The following AKAP14 variants were observed in gnomAD, a reference collection of about 807,000 sequenced individuals.
AKAP14 encodes A-kinase anchoring protein 14, also known as A-kinase anchor protein 14.
A neutral mutation model predicts 17.0 loss-of-function variants in AKAP14; 4 were observed. The ratio of observed to expected loss-of-function variants is 0.23; its 90% CI spans 0.12 to 0.54. AKAP14 has a LOEUF of 0.54. Among genes scored for constraint, AKAP14 ranks in the 20% least tolerant of loss-of-function variants. The pLI is 0.95. For synonymous variants in AKAP14, 42 were observed against 51.3 expected (o/e 0.82, Z 0.77); for missense variants, 129 against 150.9 (o/e 0.85, Z 0.76).
At chrX:119,918,248 T>A (rs1277171676) in intron 5 of AKAP14, among the ~76,000 whole-genome samples, 1 of 111,831 alleles carries the variant, frequency 8.9e-6, no homozygotes, top group Non-Finnish European at 1.9e-5. Flanking sequence ...TTGTTTTTTT[T>A]TTAGATGGAG....
At position 119,906,840 on chromosome X, in the gene AKAP14, G is replaced by A. The variant is rs192923244; in HGVS notation, c.261+3254G>A. ...ATTACAGGTGTGAGCCACTGCACCCGGCCAAAGTGTGAGGCATTTCTGATG... is the reference window on the plus strand; with the variant it reads ...ATTACAGGTGTGAGCCACTGCACCCAGCCAAAGTGTGAGGCATTTCTGATG... On this transcript the variant is annotated intron_variant, in intron 4 of 6. Coordinates refer to ENST00000371431, the MANE Select transcript of AKAP14 (RefSeq NM_178813.6). Among the ~76,000 whole-genome samples the A allele has an allele frequency of 1.7e-3, 191 of 112,059 alleles. 1 individual carries two copies. The highest frequency in any genetic ancestry group is 5.9e-3 in the African/African-American group (181 of 30,936).
chrX:119,911,805 C>T (rs1273054902), intron 4 of AKAP14, among the ~76,000 whole-genome samples: 5 of 110,408 alleles, frequency 4.5e-5, no homozygotes, highest in Non-Finnish European at 9.5e-5. Flanking sequence ...CTCAAACGAT[C>T]CTCCTGCCTC....
chrX:119,898,338 A>T (rs1027751930), intron 2 of AKAP14, among the ~76,000 whole-genome samples: 3 of 111,872 alleles, frequency 2.7e-5, no homozygotes, highest in Non-Finnish European at 5.6e-5. Flanking sequence ...GAGGAAAAAA[A>T]GGAAAACAAA....
intron 3 of AKAP14, 40 bp downstream of exon 3, chrX:119,903,432 A>G (rs754263041): frequency 2.5e-6 from 3 of 1,209,549 alleles, no homozygotes; most frequent in Middle Eastern, 2.3e-4. Context: ...ATAATTGTCT[A>G]TATAGTCTAA....
intron 4 of AKAP14, among the ~76,000 whole-genome samples, chrX:119,905,539 A>G (rs745322292): frequency 1.3e-4 from 15 of 111,698 alleles, no homozygotes; most frequent in Middle Eastern, 4.6e-3. Context: ...AATGGTCTAC[A>G]AGGCCCAATA....
At chrX:119,913,142 A>ATAAAT (rs1410968129) in intron 4 of AKAP14, among the ~76,000 whole-genome samples, 1 of 107,147 alleles carries the variant, frequency 9.3e-6, no homozygotes, top group East Asian at 2.9e-4. Context: ...AAATAAATAA[A>ATAAAT]TAAATAAATA....
chrX:119,916,793 G>A (rs1199133252), intron 5 of AKAP14, among the ~76,000 whole-genome samples: 5 of 97,759 alleles, frequency 5.1e-5, no homozygotes, highest in Non-Finnish European at 1.0e-4. Flanking sequence ...GAGCCACCGC[G>A]CCTGGCCCAT....
intron 5 of AKAP14, among the ~76,000 whole-genome samples, chrX:119,916,110 G>A (rs1258903439): frequency 1.9e-4 from 21 of 109,752 alleles, no homozygotes; most frequent in African/African-American, 6.0e-4. Flanking sequence ...GAACCACCAC[G>A]CCCAGCTGTA....
chrX:119,908,280 C>G (rs1166030700), intron 4 of AKAP14, among the ~76,000 whole-genome samples: 1 of 53,808 alleles, frequency 1.9e-5, no homozygotes, highest in Non-Finnish European at 3.1e-5. Flanking sequence ...GAGTGAGACT[C>G]TGTCAAAAAA....
chrX:119,914,973 A>G lies in AKAP14; in HGVS notation c.441+95A>G, dbSNP rs1396397115. On this transcript the variant is annotated intron_variant, in intron 5 of 6. Transcript: ENST00000371431. ...AATAACCCCATTTTTACAAAATTTA[A>G]TAGTCATACTTCTGTCCTCATCTTA... is the stretch of plus-strand genomic sequence containing the variant. 4 of 907,825 alleles carry G rather than the reference A, an allele frequency of 4.4e-6. No individual in the cohort carries two copies. In the East Asian group the frequency reaches 9.3e-5, roughly 21 times the overall value. 74.8% of individuals were successfully genotyped at this position (907,825 alleles called of 1,213,427 possible). A position where few individuals can be genotyped will look rare whatever the true frequency, so the allele number is the denominator to read the frequency against.
chrX:119,907,144 T>G (rs558240479), intron 4 of AKAP14, among the ~76,000 whole-genome samples: 61 of 109,702 alleles, frequency 5.6e-4, no homozygotes, highest in South Asian at 3.2e-3. Flanking sequence ...TTTTTTTTTT[T>G]TGTGGGACAG....
intron 5 of AKAP14, 51 bp from the exon 6 acceptor site, chrX:119,919,860 A>G: frequency 8.5e-6 from 10 of 1,175,506 alleles, no homozygotes; most frequent in Non-Finnish European, 1.2e-5. Context: ...AAAAAAACAA[A>G]AAGAGTTGGT....
chrX:119,897,357 C>T (rs1468822690), intron 2 of AKAP14, among the ~76,000 whole-genome samples: 2 of 108,669 alleles, frequency 1.8e-5, no homozygotes, highest in Admixed American at 1.0e-4. Context: ...GACGGGGTTT[C>T]ACTGTGTTAG....
Position 119,903,540 on chromosome X carries a change from A to C in AKAP14, c.215A>C (p.Glu72Ala), listed in dbSNP as rs368355049. The part of the protein sequence containing the change: ...LKNIKWMTHG[E>A]FTVEKGLKQI... ...AACATCAAGTGGATGACTCACGGTG[A>C]ATTCACTGTGGAAAAGGGTCTTAAA... is the stretch of plus-strand genomic sequence containing the variant. The change falls in exon 4 of 7, where the codon GAA (glutamate) becomes GCA (alanine). Residue 72 changes from glutamate (E) to alanine (A), a missense_variant. Glu to Ala is a moderately radical substitution (Grantham distance 107). Coordinates refer to ENST00000371431, the MANE Select transcript of AKAP14 (RefSeq NM_178813.6). 5.8e-6 allele frequency: 7 copies of C among 1,211,958 alleles called. No individual in the cohort carries two copies. Among genetic ancestry groups the C allele is most frequent in the East Asian group, 3.0e-5 (1 of 33,866 alleles).
intron 4 of AKAP14, among the ~76,000 whole-genome samples, chrX:119,906,528 C>T (rs1281303475): frequency 2.1e-5 from 2 of 96,673 alleles, no homozygotes; most frequent in African/African-American, 4.4e-5. Flanking sequence ...CCATCGCGCC[C>T]GGCCCTTCTT....
rs777692541 is a variant in AKAP14 at position 119,919,892 on chromosome X, T to C, written c.442-19T>C. On this transcript the variant is annotated intron_variant, in intron 5 of 6. Coordinates refer to ENST00000371431, the MANE Select transcript of AKAP14 (RefSeq NM_178813.6). The stretch of plus-strand genomic sequence containing the variant: ...TGGTATGACTGGTCTGGGCTAACAG[T>C]TGTCCTTCTCTTTTTTAGGATGCAC... 5 of 1,207,181 alleles carry C rather than the reference T, an allele frequency of 4.1e-6. No individual in the cohort carries two copies. The South Asian group carries it at 8.8e-5, about 21-fold the overall frequency.
chrX:119,913,541 C>T (rs1225822884), intron 4 of AKAP14, among the ~76,000 whole-genome samples: 20 of 112,379 alleles, frequency 1.8e-4, no homozygotes, highest in Admixed American at 1.7e-3. Flanking sequence ...TTTGGGAGGC[C>T]AAGGCAGGTG....
At chrX:119,915,654 C>T (rs997256335) in intron 5 of AKAP14, among the ~76,000 whole-genome samples, 5 of 111,799 alleles carry the variant, frequency 4.5e-5, no homozygotes, top group African/African-American at 1.6e-4. Context: ...TACAGTCGTG[C>T]GCCACCATGC....
chrX:119,918,190 T>C (rs1030136568), intron 5 of AKAP14, among the ~76,000 whole-genome samples: 2 of 112,445 alleles, frequency 1.8e-5, no homozygotes, highest in African/African-American at 3.2e-5. Flanking sequence ...TTTTTCTCCA[T>C]AGCACTCACC....
Sources: gnomAD v4.1 joint callset for allele counts (sites outside exome capture counted in the v4.1 genomes callset) on GRCh38, gnomAD v4.1.1 for gene constraint, MANE v1.5 for transcripts, NCBI Gene and HGNC (gene_info 2026-07-23, HGNC 2026-07-21) for gene names.